Variants in RIMS2 observed in about 807,000 individuals in gnomAD.
RIMS2 encodes the protein regulating synaptic membrane exocytosis protein 2.
A neutral mutation model predicts 174.4 loss-of-function variants in RIMS2; 59 were observed. The ratio of observed to expected loss-of-function variants is 0.34; its 90% CI spans 0.27 to 0.42. The LOEUF (loss-of-function observed/expected upper bound fraction) is 0.42, where lower values mean the gene tolerates loss of function less well. Among genes scored for constraint, RIMS2 ranks in the 10% least tolerant of loss-of-function variants. RIMS2 has a pLI of 1.00. For synonymous variants in RIMS2, 606 were observed against 572.5 expected, an observed-to-expected ratio of 1.06 and a Z score of -0.84; for missense variants, 1,620 against 1,666.3, an observed-to-expected ratio of 0.97 and a Z score of 0.48.
intron 19 of RIMS2, among the ~76,000 whole-genome samples, chr8:104,228,009 T>G (rs1324143945): frequency 4.0e-5 from 6 of 151,742 alleles, no homozygotes; most frequent in Non-Finnish European, 5.9e-5. Context: ...GCCTCACTCT[T>G]TGTGTGTTTC....
intron 19 of RIMS2, among the ~76,000 whole-genome samples, chr8:104,048,042 A>C (rs1332492793): frequency 2.0e-5 from 3 of 152,154 alleles, no homozygotes; most frequent in African/African-American, 7.2e-5. Flanking sequence ...TCTGTGAAAA[A>C]AGAAAGCCAT....
At chr8:103,639,475 T>TA (rs1338994150) in intron 1 of RIMS2, among the ~76,000 whole-genome samples, 1 of 151,890 alleles carries the variant, frequency 6.6e-6, no homozygotes, top group Non-Finnish European at 1.5e-5. Flanking sequence ...ATTGACCAGT[T>TA]AGCCACTACT....
chr8:103,957,613 G>A (rs1374058528), intron 14 of RIMS2, among the ~76,000 whole-genome samples: 2 of 152,206 alleles, frequency 1.3e-5, no homozygotes, highest in African/African-American at 4.8e-5. Flanking sequence ...GTTGGGGAGT[G>A]AGGGGCTAGA....
In RIMS2 at chr8:103,639,820, G is replaced by T. The variant is rs2096183660; in HGVS notation, c.177-57266G>T. ...GACTACATACCTAGAAAGTGGGATT[G>T]CTAGGTCTTTTGCCTTTTAATATAA... is the stretch of plus-strand genomic sequence containing the variant. On this transcript the variant is annotated intron_variant, in intron 1 of 23. Transcript: ENST00000504942. Among the ~76,000 whole-genome samples the T allele has an allele frequency of 3.3e-5, 5 of 151,982 alleles. No individual in the cohort carries two copies. In the South Asian group the frequency reaches 1.0e-3, roughly 31 times the overall value.
Position 103,797,754 on chromosome 8 carries a change from C to G in RIMS2, c.698+31217C>G, listed in dbSNP as rs1453557513. On this transcript the variant is annotated intron_variant, in intron 3 of 23. Coordinates refer to ENST00000504942, the Ensembl canonical transcript of RIMS2. ...AATTGTTATGCCTATTTGCTTTAAC[C>G]TGTCACATTCTAGCTTCATTTTAAA... Among the ~76,000 whole-genome samples, 8 of 152,106 alleles carry G rather than the reference C, an allele frequency of 5.3e-5. No homozygotes were observed. In the East Asian group the frequency reaches 9.6e-4, roughly 18 times the overall value.
chr8:103,617,866 AG>A (rs2095542564), intron 1 of RIMS2, among the ~76,000 whole-genome samples: 1 of 152,136 alleles, frequency 6.6e-6, no homozygotes, highest in Non-Finnish European at 1.5e-5. Context: ...AGATGCTGGC[AG>A]GGTTGCAGGG....
In RIMS2 at chr8:104,098,836, A is replaced by T. The variant is rs2097808696; in HGVS notation, c.3334+84221A>T. On this transcript the variant is annotated intron_variant, in intron 19 of 23. Coordinates refer to ENST00000504942, the Ensembl canonical transcript of RIMS2. ...TGAAAACAGATTACATAGCTATGTG[A>T]TATAACTTGATATATACAGTCTATT... 2.0e-5 allele frequency among the ~76,000 whole-genome samples: 3 copies of T among 152,218 alleles called. No individual in the cohort carries two copies. In the South Asian group the frequency reaches 6.2e-4, roughly 32 times the overall value.
At chr8:103,674,096 A>G (rs1303828658) in intron 1 of RIMS2, among the ~76,000 whole-genome samples, 1 of 152,244 alleles carries the variant, frequency 6.6e-6, no homozygotes, top group Non-Finnish European at 1.5e-5. Flanking sequence ...AACATGCATG[A>G]CATTTGTTCC....
At chr8:103,743,944 C>A (rs953886281) in intron 2 of RIMS2, among the ~76,000 whole-genome samples, 4 of 152,114 alleles carry the variant, frequency 2.6e-5, no homozygotes, top group Non-Finnish European at 5.9e-5. Context: ...TCTATTAATA[C>A]GTTGAAGTAC....
rs932839763 is a variant in RIMS2 at position 103,501,027 on chromosome 8, GAAGA to G, written c.147_150del (p.Glu50ArgfsTer22). 2 of 1,610,076 alleles carry G rather than the reference GAAGA, an allele frequency of 1.2e-6. No homozygotes were observed. The highest frequency in any genetic ancestry group is 1.7e-6 in the Non-Finnish European group (2 of 1,178,652). ...TCATCCTGGCCGTCATGGATAGGCA[GAAGA>G]AAGAAGAGGAGAAGGAGCAGTCCGT... On this transcript the variant is annotated frameshift_variant, in exon 1 of 24. Transcript: ENST00000504942. LOFTEE classifies it high-confidence loss of function.
chr8:103,802,990 T>C (rs956457242), intron 3 of RIMS2, among the ~76,000 whole-genome samples: 2 of 152,194 alleles, frequency 1.3e-5, no homozygotes, highest in African/African-American at 4.8e-5. Context: ...GGTGGTTTTT[T>C]ACTTTGAGAT....
intron 1 of RIMS2, among the ~76,000 whole-genome samples, chr8:103,637,004 G>C (rs1004918920): frequency 1.6e-4 from 25 of 152,146 alleles, no homozygotes; most frequent in Non-Finnish European, 7.4e-5. Context: ...CCTTGATTGG[G>C]TGGCTTCCTA....
intron 19 of RIMS2, among the ~76,000 whole-genome samples, chr8:104,169,054 T>C (rs556347170): frequency 1.3e-5 from 2 of 152,104 alleles, no homozygotes; most frequent in South Asian, 4.2e-4. Flanking sequence ...TCAGCTAGTA[T>C]TTTGTTGATG....
intron 14 of RIMS2, among the ~76,000 whole-genome samples, chr8:103,951,891 A>G (rs2085475094): frequency 6.6e-6 from 1 of 152,166 alleles, no homozygotes; most frequent in Non-Finnish European, 1.5e-5. Flanking sequence ...TCTGAGTTCT[A>G]CCTGGGACGC....
At chr8:103,722,480 T>C (rs1426492803) in intron 2 of RIMS2, among the ~76,000 whole-genome samples, 2 of 152,052 alleles carry the variant, frequency 1.3e-5, no homozygotes, top group African/African-American at 4.8e-5. Context: ...GTTAGATTCT[T>C]ATAAGCAGCA....
chr8:103,831,247 C>T (rs2098823947), intron 3 of RIMS2, among the ~76,000 whole-genome samples: 1 of 152,124 alleles, frequency 6.6e-6, no homozygotes, highest in Non-Finnish European at 1.5e-5. Context: ...TGGTTTACAG[C>T]ATTTACTCCC....
At chr8:103,780,265 T>A (rs977059111) in intron 3 of RIMS2, among the ~76,000 whole-genome samples, 17 of 152,220 alleles carry the variant, frequency 1.1e-4, no homozygotes, top group African/African-American at 4.1e-4. Context: ...CTGACCTTCC[T>A]CTACCTGGAT....
At chr8:104,144,596 A>C (rs948580508) in intron 19 of RIMS2, among the ~76,000 whole-genome samples, 1 of 152,180 alleles carries the variant, frequency 6.6e-6, no homozygotes, top group African/African-American at 2.4e-5. Context: ...TTTTTAAAAC[A>C]TAGCTATCAA....
chr8:103,572,434 T>C (rs1166349969), intron 1 of RIMS2, among the ~76,000 whole-genome samples: 1 of 152,114 alleles, frequency 6.6e-6, no homozygotes, highest in Non-Finnish European at 1.5e-5. Context: ...TGCTGATTGG[T>C]CCATTTTTAC....
Sources: allele counts gnomAD v4.1 joint callset (sites outside exome capture counted in the v4.1 genomes callset), GRCh38; gene constraint gnomAD v4.1.1; transcripts MANE v1.5; gene names NCBI Gene and HGNC (gene_info 2026-07-23, HGNC 2026-07-21).